CNTNAP2: variants seen among roughly 807,000 people sequenced by gnomAD.
CNTNAP2 encodes contactin-associated protein-like 2.
Under a neutral mutation model 155.2 loss-of-function variants are expected in CNTNAP2, and 98 were observed. That is an observed-to-expected ratio of 0.63 (90% CI 0.54 to 0.75). The LOEUF (loss-of-function observed/expected upper bound fraction) is 0.75. Among genes scored for constraint, CNTNAP2 ranks in the 30% least tolerant of loss-of-function variants. The pLI is 0.00. For missense variants in CNTNAP2, 1,727 were observed against 1,688.1 expected, an observed-to-expected ratio of 1.02 and a Z score of -0.40; for synonymous variants, 651 against 631.2, an observed-to-expected ratio of 1.03 and a Z score of -0.47.
intron 21 of CNTNAP2, among the ~76,000 whole-genome samples, chr7:148,291,312 T>TAA (rs1554412948): frequency 1.4e-3 from 153 of 108,676 alleles, no homozygotes; most frequent in African/African-American, 5.3e-3. Flanking sequence ...TATATATATA[T>TAA]AAAATATGGA....
chr7:146,355,127 G>A (rs1437521346), intron 1 of CNTNAP2, among the ~76,000 whole-genome samples: 1 of 152,120 alleles, frequency 6.6e-6, no homozygotes, highest in Non-Finnish European at 1.5e-5. Flanking sequence ...TGTTCCAATT[G>A]CATACACATC....
In CNTNAP2 at chr7:147,921,435, G is replaced by A. The variant is rs912568851; in HGVS notation, c.2255+17714G>A. ...TATTATTATTTAGGAGATGTTTTGG[G>A]CAGCTTACTACATTGCACAGAAGCT... On this transcript the variant is annotated intron_variant, in intron 14 of 23. Transcript: ENST00000361727. 2.0e-5 allele frequency among the ~76,000 whole-genome samples: 3 copies of A among 152,138 alleles called. No homozygotes were observed. In the East Asian group the frequency reaches 5.8e-4, roughly 29 times the overall value.
chr7:146,963,753 T>C (rs898273744), intron 3 of CNTNAP2, among the ~76,000 whole-genome samples: 1 of 152,216 alleles, frequency 6.6e-6, no homozygotes, highest in African/African-American at 2.4e-5. Context: ...AATTGTTTCA[T>C]ATTGTCCCTT....
intron 1 of CNTNAP2, among the ~76,000 whole-genome samples, chr7:146,383,727 A>G (rs915376114): frequency 6.6e-6 from 1 of 152,110 alleles, no homozygotes; most frequent in African/African-American, 2.4e-5. Context: ...ATTTCCTTTG[A>G]TAAATTCTGA....
In CNTNAP2 at chr7:147,203,155, T is replaced by C. The variant is rs569108820; in HGVS notation, c.1348+70646T>C. On this transcript the variant is annotated intron_variant, in intron 8 of 23. Transcript: ENST00000361727. ...AACTTAGTTTGCAAAATTATTTACA[T>C]TGACACAAAAAGTTATTTGATAAAT... Among the ~76,000 whole-genome samples, 210 of 152,276 alleles carry C rather than the reference T, an allele frequency of 1.4e-3. 2 individuals carry two copies. The highest frequency in any genetic ancestry group is 9.1e-3 in the South Asian group (44 of 4,832).
intron 11 of CNTNAP2, among the ~76,000 whole-genome samples, chr7:147,494,043 CTA>C (rs1480125275): frequency 6.6e-6 from 1 of 152,136 alleles, no homozygotes. Context: ...CTCACCAGGA[CTA>C]AAGCATTGGG....
At chr7:147,364,851 GAA>G (rs548055443) in intron 9 of CNTNAP2, among the ~76,000 whole-genome samples, 3 of 139,246 alleles carry the variant, frequency 2.2e-5, no homozygotes, top group Non-Finnish European at 1.6e-5. Context: ...TCAGTCTCGG[GAA>G]AAAAAAAAAA....
At chr7:148,078,814 T>A (rs1194413334) in intron 15 of CNTNAP2, among the ~76,000 whole-genome samples, 4 of 152,206 alleles carry the variant, frequency 2.6e-5, no homozygotes, top group African/African-American at 9.6e-5. Context: ...TAACTTGATT[T>A]TCCGAGAAGA....
chr7:146,303,151 G>GA lies in CNTNAP2; in HGVS notation c.97+186179dup, dbSNP rs778478915. On this transcript the variant is annotated intron_variant, in intron 1 of 23. Transcript: ENST00000361727. ...ACGTGTCATGGGAGACATGGGTAGG[G>GA]ATTCACAAAGGGATTGAGAAAATCA... 2.8e-4 allele frequency among the ~76,000 whole-genome samples: 43 copies of GA among 151,850 alleles called. 2 individuals are homozygous for GA. The South Asian group carries it at 3.3e-3, about 12-fold the overall frequency.
intron 3 of CNTNAP2, among the ~76,000 whole-genome samples, chr7:146,885,469 C>G (rs1415269753): frequency 1.3e-5 from 2 of 152,088 alleles, no homozygotes; most frequent in Non-Finnish European, 2.9e-5. Context: ...AAAACAAGCT[C>G]TTATATAGCT....
chr7:147,619,556 C>T (rs2116890171), intron 12 of CNTNAP2, among the ~76,000 whole-genome samples: 1 of 152,282 alleles, frequency 6.6e-6, no homozygotes, highest in Middle Eastern at 3.4e-3. Context: ...TTCCCTGTGG[C>T]CCGTTGTGGT....
chr7:147,271,993 A>G (rs1293865928), intron 8 of CNTNAP2, among the ~76,000 whole-genome samples: 1 of 151,838 alleles, frequency 6.6e-6, no homozygotes, highest in Non-Finnish European at 1.5e-5. Flanking sequence ...CCTGGGTTCA[A>G]GCAATTCTCA....
intron 13 of CNTNAP2, among the ~76,000 whole-genome samples, chr7:147,877,415 C>T (rs762671246): frequency 1.4e-4 from 22 of 152,056 alleles, no homozygotes; most frequent in South Asian, 6.2e-4. Flanking sequence ...TAATAAAACA[C>T]CCACATTTAA....
chr7:148,098,994 A>C (rs1426750107), intron 15 of CNTNAP2, among the ~76,000 whole-genome samples: 10 of 152,218 alleles, frequency 6.6e-5, no homozygotes, highest in Non-Finnish European at 1.0e-4. Flanking sequence ...GAATGTCTTA[A>C]GAGCTCATGC....
intron 9 of CNTNAP2, among the ~76,000 whole-genome samples, chr7:147,327,533 A>G (rs1401062791): frequency 6.6e-6 from 1 of 152,238 alleles, no homozygotes; most frequent in African/African-American, 2.4e-5. Context: ...AATCAAATAG[A>G]TCAGAATAAA....
At chr7:147,477,651 A>G in intron 10 of CNTNAP2, among the ~76,000 whole-genome samples, 1 of 152,234 alleles carries the variant, frequency 6.6e-6, no homozygotes, top group East Asian at 1.9e-4. Flanking sequence ...AGTTAAAACC[A>G]TTCAATTAGG....
intron 2 of CNTNAP2, among the ~76,000 whole-genome samples, chr7:146,798,431 T>C (rs1162369800): frequency 6.6e-6 from 1 of 152,160 alleles, no homozygotes; most frequent in East Asian, 1.9e-4. Flanking sequence ...AGCCTCTGCC[T>C]TCTTGGCTCA....
At chr7:146,982,342 A>T (rs944079414) in intron 3 of CNTNAP2, among the ~76,000 whole-genome samples, 2 of 152,262 alleles carry the variant, frequency 1.3e-5, no homozygotes, top group Non-Finnish European at 2.9e-5. Context: ...GTACTACAAA[A>T]TTTTAACACA....
intron 21 of CNTNAP2, among the ~76,000 whole-genome samples, chr7:148,322,800 T>TG (rs758061630): frequency 7.1e-4 from 66 of 92,706 alleles, no homozygotes; most frequent in Non-Finnish European, 1.3e-3. Context: ...TTTTGGGGTT[T>TG]TTTTTTTTTT....
Sources: gnomAD v4.1 joint callset for allele counts (sites outside exome capture counted in the v4.1 genomes callset) on GRCh38, gnomAD v4.1.1 for gene constraint, MANE v1.5 for transcripts, NCBI Gene and HGNC (gene_info 2026-07-23, HGNC 2026-07-21) for gene names.